TIAM1: variants seen among roughly 807,000 people sequenced by gnomAD.
TIAM1 encodes TIAM Rac1 associated GEF 1.
Under a neutral mutation model 163.5 loss-of-function variants are expected in TIAM1, and 65 were observed. The observed-to-expected ratio is 0.40, with a 90% CI of 0.33 to 0.49. TIAM1 has a LOEUF of 0.49. Ranked by LOEUF, TIAM1 falls within the 20% of genes least tolerant of loss-of-function variation. The pLI is 0.77. For synonymous variants in TIAM1, 833 were observed against 810.1 expected, an observed-to-expected ratio of 1.03 and a Z score of -0.48; for missense variants, 1,789 against 2,044.7, an observed-to-expected ratio of 0.87 and a Z score of 2.41.
At chr21:31,426,584 T>C (rs2043803295) in intron 2 of TIAM1, among the ~76,000 whole-genome samples, 1 of 152,214 alleles carries the variant, frequency 6.6e-6, no homozygotes, top group Non-Finnish European at 1.5e-5. Context: ...GAATGTGGTC[T>C]AATAACTGAT....
chr21:31,536,127 C>A (rs1602513387), intron 1 of TIAM1, among the ~76,000 whole-genome samples: 1 of 152,180 alleles, frequency 6.6e-6, no homozygotes, highest in South Asian at 2.1e-4. Flanking sequence ...TGGGCCCACA[C>A]CAGGCACCAG....
At chr21:31,357,741 C>T (rs1453541683) in intron 2 of TIAM1, among the ~76,000 whole-genome samples, 1 of 152,224 alleles carries the variant, frequency 6.6e-6, no homozygotes, top group Non-Finnish European at 1.5e-5. Flanking sequence ...GTGCTGTTCT[C>T]AAGGGCACTA....
intron 2 of TIAM1, among the ~76,000 whole-genome samples, chr21:31,461,712 C>G (rs2045334003): frequency 6.6e-6 from 1 of 152,116 alleles, no homozygotes; most frequent in Non-Finnish European, 1.5e-5. Context: ...ATTGCCCAAG[C>G]TGGAGTGCAG....
intron 16 of TIAM1, among the ~76,000 whole-genome samples, chr21:31,163,608 T>G (rs1424805413): frequency 6.6e-6 from 1 of 152,170 alleles, no homozygotes; most frequent in East Asian, 1.9e-4. Context: ...ATCAAATATG[T>G]GCACACAAGA....
At chr21:31,424,435 C>T (rs533635522) in intron 2 of TIAM1, among the ~76,000 whole-genome samples, 3 of 152,168 alleles carry the variant, frequency 2.0e-5, no homozygotes, top group South Asian at 2.1e-4. Context: ...GCGGTGTAGA[C>T]GTTCCATGGA....
chr21:31,298,735 G>GGT (rs147701527), intron 2 of TIAM1, among the ~76,000 whole-genome samples: 3,064 of 138,520 alleles, frequency 0.022, 43 homozygotes, highest in Admixed American at 0.049. Context: ...TCCAATTGAG[G>GGT]GTGTGTGTGT....
At chr21:31,292,233 T>G (rs1019943770) in intron 2 of TIAM1, among the ~76,000 whole-genome samples, 5 of 152,220 alleles carry the variant, frequency 3.3e-5, no homozygotes, top group African/African-American at 1.2e-4. Context: ...TGGAGCTTCA[T>G]GAATATTCAT....
chr21:31,464,525 C>T (rs1366375107), intron 1 of TIAM1, among the ~76,000 whole-genome samples: 2 of 152,010 alleles, frequency 1.3e-5, no homozygotes, highest in Non-Finnish European at 2.9e-5. Context: ...CTCGGCAACA[C>T]GGCAAAACGC....
intron 2 of TIAM1, among the ~76,000 whole-genome samples, chr21:31,284,025 C>T (rs1445176310): frequency 6.6e-6 from 1 of 152,112 alleles, no homozygotes; most frequent in African/African-American, 2.4e-5. Context: ...AACATTTGAT[C>T]CCCAAAGAAA....
intron 4 of TIAM1, among the ~76,000 whole-genome samples, chr21:31,256,992 G>A (rs941436749): frequency 9.2e-5 from 14 of 152,192 alleles, no homozygotes; most frequent in South Asian, 2.1e-4. Context: ...ATGGAAGAAA[G>A]GTCTCTGAGA....
At chr21:31,297,935 A>T (rs2074350926) in intron 2 of TIAM1, among the ~76,000 whole-genome samples, 2 of 152,216 alleles carry the variant, frequency 1.3e-5, no homozygotes, top group African/African-American at 4.8e-5. Flanking sequence ...CGATACATAT[A>T]TTATGGCAAT....
At chr21:31,136,721 T>C (rs2082635576) in intron 22 of TIAM1, among the ~76,000 whole-genome samples, 1 of 152,190 alleles carries the variant, frequency 6.6e-6, no homozygotes, top group African/African-American at 2.4e-5. Flanking sequence ...AAACTGGAGA[T>C]GTTTTGTGTT....
At chr21:31,315,544 G>A (rs891547223) in intron 2 of TIAM1, among the ~76,000 whole-genome samples, 4 of 151,362 alleles carry the variant, frequency 2.6e-5, no homozygotes, top group African/African-American at 4.9e-5. Flanking sequence ...GTGTGGTGGC[G>A]CATACCTGTA....
chr21:31,434,286 G>C (rs1331403466), intron 2 of TIAM1, among the ~76,000 whole-genome samples: 1 of 152,160 alleles, frequency 6.6e-6, no homozygotes, highest in Middle Eastern at 3.2e-3. Context: ...CTGAACAACA[G>C]GTAGCACAGG....
At chr21:31,387,082 GC>G (rs1333012639) in intron 2 of TIAM1, among the ~76,000 whole-genome samples, 2 of 151,782 alleles carry the variant, frequency 1.3e-5, no homozygotes, top group Non-Finnish European at 2.9e-5. Context: ...ACCACCCTGG[GC>G]CCCCCAGGTG....
chr21:31,466,435 A>G (rs1279479969), intron 1 of TIAM1, among the ~76,000 whole-genome samples: 10 of 151,510 alleles, frequency 6.6e-5, no homozygotes, highest in Admixed American at 3.3e-4. Flanking sequence ...CTCATCTAGC[A>G]GCTCTCTAAC....
chr21:31,414,808 A>G (rs2147247509), intron 2 of TIAM1, among the ~76,000 whole-genome samples: 1 of 152,352 alleles, frequency 6.6e-6, no homozygotes, highest in African/African-American at 2.4e-5. Context: ...AACTGGAAAA[A>G]GGTCACGTCC....
At chr21:31,482,603 T>C (rs1381848170) in intron 1 of TIAM1, among the ~76,000 whole-genome samples, 2 of 152,272 alleles carry the variant, frequency 1.3e-5, no homozygotes, top group East Asian at 3.9e-4. Flanking sequence ...TGTCTAGTGA[T>C]GGCTTCTGGT....
intron 2 of TIAM1, among the ~76,000 whole-genome samples, chr21:31,279,795 T>C (rs1179852214): frequency 3.3e-5 from 5 of 152,180 alleles, no homozygotes; most frequent in South Asian, 2.1e-4. Context: ...ATTTAAAATG[T>C]TTAAACCATA....
Sources: gnomAD v4.1 joint callset for allele counts (sites outside exome capture counted in the v4.1 genomes callset) on GRCh38, gnomAD v4.1.1 for gene constraint, MANE v1.5 for transcripts, NCBI Gene and HGNC (gene_info 2026-07-23, HGNC 2026-07-21) for gene names.